IPP: variants seen among roughly 807,000 people sequenced by gnomAD.
IPP encodes actin-binding protein IPP.
Under a neutral mutation model 64.1 loss-of-function variants are expected in IPP, and 41 were observed. The ratio of observed to expected loss-of-function variants is 0.64; its 90% CI spans 0.50 to 0.83. The LOEUF (loss-of-function observed/expected upper bound fraction) is 0.83. IPP is among the 40% of genes least tolerant of loss of function. The pLI is 0.00. For synonymous variants in IPP, 214 were observed against 235.2 expected, an observed-to-expected ratio of 0.91 and a Z score of 0.83; for missense variants, 649 against 703.0, an observed-to-expected ratio of 0.92 and a Z score of 0.87.
intron 5 of IPP, among the ~76,000 whole-genome samples, chr1:45,726,462 A>AT (rs1645829577): frequency 6.6e-6 from 1 of 152,164 alleles, no homozygotes; most frequent in Admixed American, 6.6e-5. Flanking sequence ...GCAAAACTCC[A>AT]TATCAAATAA....
At chr1:45,740,449 G>C (rs922481086) in intron 3 of IPP, among the ~76,000 whole-genome samples, 6 of 151,972 alleles carry the variant, frequency 3.9e-5, no homozygotes, top group African/African-American at 1.4e-4. Flanking sequence ...GCCGGGCGGG[G>C]GGCTGAACCC....
chr1:45,722,514 C>T (rs577433764), intron 5 of IPP, among the ~76,000 whole-genome samples: 1 of 151,796 alleles, frequency 6.6e-6, no homozygotes, highest in Non-Finnish European at 1.5e-5. Context: ...CACTGCATTC[C>T]AGCCTGGGCA....
At chr1:45,702,322 ACT>A (rs1256130641) in intron 8 of IPP, among the ~76,000 whole-genome samples, 4 of 152,010 alleles carry the variant, frequency 2.6e-5, no homozygotes, top group Admixed American at 6.6e-5. Context: ...AAAAAAAAAA[ACT>A]CTGTAAGAAC....
In IPP at chr1:45,719,384, C is replaced by T. The variant is rs1336904982; in HGVS notation, c.1049-44G>A. On this transcript the variant is annotated intron_variant, in intron 5 of 8. Coordinates refer to ENST00000396478, the MANE Select transcript of IPP (RefSeq NM_005897.3). ...ACAAATATTATAAAGTTTAGTAATG[C>T]CAACAGACTAGCACCATAACACAAT... 3 of 1,301,364 alleles carry T rather than the reference C, an allele frequency of 2.3e-6. No homozygotes were observed. The East Asian group carries it at 7.2e-5, about 31-fold the overall frequency. 80.6% of individuals were successfully genotyped at this position (1,301,364 alleles called of 1,614,324 possible). A position where few individuals can be genotyped will look rare whatever the true frequency, so the allele number is the denominator to read the frequency against.
chr1:45,732,379 A>AAAAAC (rs1254173454), intron 3 of IPP, among the ~76,000 whole-genome samples: 4 of 150,782 alleles, frequency 2.7e-5, no homozygotes, highest in Non-Finnish European at 5.9e-5. Flanking sequence ...AAAAAAAAAA[A>AAAAAC]ACACAAAAAA....
chr1:45,742,714 T>G (rs1156696018), intron 2 of IPP, among the ~76,000 whole-genome samples: 1 of 152,014 alleles, frequency 6.6e-6, no homozygotes, highest in Non-Finnish European at 1.5e-5. Flanking sequence ...TCTGTGGTTT[T>G]TTTTTTAGAG....
chr1:45,743,299 A>G (rs1366348477), intron 2 of IPP, among the ~76,000 whole-genome samples: 3 of 146,364 alleles, frequency 2.0e-5, no homozygotes, highest in African/African-American at 7.7e-5. Flanking sequence ...GTACAGTGGC[A>G]TGGTCTCTGC....
At chr1:45,735,301 C>G (rs1246873217) in intron 3 of IPP, among the ~76,000 whole-genome samples, 1 of 151,928 alleles carries the variant, frequency 6.6e-6, no homozygotes, top group Non-Finnish European at 1.5e-5. Context: ...CCAGGCTGGT[C>G]TCGAACTCCT....
chr1:45,734,424 T>G (rs1256701956), intron 3 of IPP, among the ~76,000 whole-genome samples: 3 of 151,892 alleles, frequency 2.0e-5, no homozygotes, highest in Admixed American at 2.0e-4. Context: ...ATTTTTATTT[T>G]TATTCTTTTC....
At chr1:45,722,322 G>A (rs531945664) in intron 5 of IPP, among the ~76,000 whole-genome samples, 2 of 151,978 alleles carry the variant, frequency 1.3e-5, no homozygotes, top group South Asian at 2.1e-4. Context: ...AGGCCAAGGC[G>A]GGTAGATCAC....
intron 8 of IPP, among the ~76,000 whole-genome samples, chr1:45,709,432 C>CAAAAA (rs71058701): frequency 1.1e-4 from 7 of 66,170 alleles, no homozygotes; most frequent in African/African-American, 1.5e-4. Context: ...GACTCCGTCT[C>CAAAAA]AAAAAAAAAA....
In IPP at chr1:45,729,769, C is replaced by G; in HGVS notation, c.725G>C (p.Gly242Ala). The part of the protein sequence containing the change: ...PPQRLLKYIE[G>A]VSDFNLRVAL... ...AACACGAAGATTAAAATCGGATACT[C>G]CTAAAACAATATTTAAAAAGACAAT... is the stretch of plus-strand genomic sequence containing the variant. The change falls in exon 4 of 9, where the codon GGA becomes GCA. Residue 242 changes from glycine to alanine, a missense_variant and splice_region_variant. Gly to Ala is a moderately conservative substitution (Grantham distance 60). Coordinates refer to ENST00000396478, the MANE Select transcript of IPP (RefSeq NM_005897.3). The G allele has an allele frequency of 1.3e-6, 2 of 1,517,062 alleles. No individual in the cohort carries two copies. Among genetic ancestry groups the G allele is most frequent in the Admixed American group, 2.3e-5 (1 of 44,224 alleles). 94.0% of individuals were successfully genotyped at this position (1,517,062 alleles called of 1,614,324 possible).
intron 5 of IPP, among the ~76,000 whole-genome samples, chr1:45,721,397 C>A (rs909457351): frequency 6.6e-6 from 1 of 152,186 alleles, no homozygotes; most frequent in Non-Finnish European, 1.5e-5. Context: ...CAGCTGCCTG[C>A]AAAAACCTTG....
At chr1:45,743,083 G>A (rs2148583399) in intron 2 of IPP, among the ~76,000 whole-genome samples, 2 of 151,774 alleles carry the variant, frequency 1.3e-5, no homozygotes, top group South Asian at 4.2e-4. Flanking sequence ...GATTACAGAT[G>A]CGCACCACCA....
intron 4 of IPP, among the ~76,000 whole-genome samples, chr1:45,728,014 A>C (rs1483076063): frequency 1.3e-5 from 2 of 152,190 alleles, no homozygotes; most frequent in African/African-American, 4.8e-5. Context: ...CTTGGTTATA[A>C]ATAGAATATT....
intron 3 of IPP, among the ~76,000 whole-genome samples, chr1:45,730,081 C>T (rs964608667): frequency 6.6e-5 from 10 of 152,198 alleles, no homozygotes; most frequent in African/African-American, 2.2e-4. Flanking sequence ...GACGTGGTAG[C>T]TCACGCATGT....
chr1:45,733,597 C>T (rs1266456162), intron 3 of IPP, among the ~76,000 whole-genome samples: 3 of 151,384 alleles, frequency 2.0e-5, no homozygotes, highest in Non-Finnish European at 4.4e-5. Context: ...TTTGGGAGGC[C>T]GAGGCAGACG....
chr1:45,715,534 A>G (rs28597977), intron 7 of IPP, among the ~76,000 whole-genome samples: 108,742 of 151,564 alleles, frequency 0.72, 39,143 homozygotes, highest in African/African-American at 0.76. Flanking sequence ...CCAGCTACTC[A>G]GGAGGCTGAG....
intron 1 of IPP, among the ~76,000 whole-genome samples, chr1:45,747,905 C>G (rs1368328703): frequency 8.2e-6 from 1 of 122,338 alleles, no homozygotes; most frequent in Non-Finnish European, 1.7e-5. Context: ...TGGAATAGCA[C>G]AGGGAAATTT....
Sources: gnomAD v4.1 joint callset for allele counts (sites outside exome capture counted in the v4.1 genomes callset) on GRCh38, gnomAD v4.1.1 for gene constraint, MANE v1.5 for transcripts, NCBI Gene and HGNC (gene_info 2026-07-23, HGNC 2026-07-21) for gene names.